The following ZAP70 variants were observed in gnomAD, a reference collection of about 807,000 sequenced individuals.
ZAP70 encodes zeta chain of T cell receptor associated protein kinase 70.
Under a neutral mutation model 65.8 loss-of-function variants are expected in ZAP70, and 27 were observed. The observed-to-expected ratio is 0.41, with a 90% CI of 0.30 to 0.57. ZAP70 has a LOEUF of 0.57. ZAP70 is among the 20% of genes least tolerant of loss of function. The pLI, the probability that ZAP70 is intolerant of heterozygous loss-of-function variation, is 0.28. For missense variants in ZAP70, 696 were observed against 870.5 expected (o/e 0.80, Z 2.52); for synonymous variants, 363 against 360.8 (o/e 1.01, Z -0.07).
chr2:97,742,096 G>A (rs528258241), downstream of ZAP70, among the ~76,000 whole-genome samples: 28 of 152,272 alleles, frequency 1.8e-4, no homozygotes, highest in Non-Finnish European at 4.0e-4. Context: ...AGGTTTTGGC[G>A]GGGCTGGAAG....
chr2:97,725,338 G>C, intron 4 of ZAP70, 86 bp downstream of exon 4: 2 of 1,543,682 alleles, frequency 1.3e-6, no homozygotes, highest in African/African-American at 2.7e-5. Context: ...TGAGTGTGCA[G>C]TTGGGCCGTA....
chr2:97,747,821 T>TG, the ZAP70 span, among the ~76,000 whole-genome samples: 1 of 122,056 alleles, frequency 8.2e-6, no homozygotes, highest in Non-Finnish European at 1.7e-5. Context: ...CGAGGTTTTT[T>TG]TTTTTTTTTT....
At chr2:97,754,792 G>A in the ZAP70 span, among the ~76,000 whole-genome samples, 4 of 152,212 alleles carry the variant, frequency 2.6e-5, no homozygotes, top group African/African-American at 9.6e-5. Flanking sequence ...TGTAGAAAGA[G>A]AATCCCAAGA....
At chr2:97,717,030 C>A (rs900699801) in intron 2 of ZAP70, among the ~76,000 whole-genome samples, 1 of 152,210 alleles carries the variant, frequency 6.6e-6, no homozygotes, top group African/African-American at 2.4e-5. Context: ...GAAGGAGGAG[C>A]CTGCAGCCAT....
At chr2:97,743,862 C>T (rs1400687992), downstream of ZAP70, among the ~76,000 whole-genome samples, 2 of 152,156 alleles carry the variant, frequency 1.3e-5, no homozygotes, top group Admixed American at 6.5e-5. Flanking sequence ...AGAGCCTGTG[C>T]TCTTGGCTTC....
chr2:97,724,074 G>T lies in ZAP70; in HGVS notation c.38G>T (p.Gly13Val). The change falls in exon 3 of 14, where the codon GGC (glycine) becomes GTC (valine). Residue 13 changes from glycine to valine, a missense_variant. Gly to Val is a moderately radical substitution (Grantham distance 109). Transcript: ENST00000264972. ...GCGGCGCACCTGCCCTTCTTCTACG[G>T]CAGCATCTCGCGTGCCGAGGCCGAG... ...DPAAHLPFFY[G>V]SISRAEAEEH... 6.4e-7 allele frequency: 1 copy of T among 1,558,484 alleles called. No homozygotes were observed. The highest frequency in any genetic ancestry group is 8.6e-7 in the Non-Finnish European group (1 of 1,156,740).
In ZAP70 at chr2:97,737,749, C is replaced by G. The variant is rs771940938; in HGVS notation, c.1483-8C>G. ...ACCCCTGATCCAGCAGCATCTCCCC[C>G]TCCCCAGGCCCGCTCAGCAGGGAAG... On this transcript the variant is annotated splice_region_variant and splice_polypyrimidine_tract_variant and intron_variant, in intron 11 of 13. Coordinates refer to ENST00000264972, the MANE Select transcript of ZAP70 (RefSeq NM_001079.4). The surrounding 1 kb of genome is among the most constrained non-coding windows in gnomAD (Gnocchi z 5.0). 6 of 1,614,018 alleles carry G rather than the reference C, an allele frequency of 3.7e-6. No individual in the cohort carries two copies. The African/African-American group carries it at 6.7e-5, about 18-fold the overall frequency.
chr2:97,739,567 A>T lies in ZAP70; in HGVS notation c.*69A>T, dbSNP rs201356112. On this transcript the variant is annotated 3_prime_UTR_variant, in exon 14 of 14. Coordinates refer to ENST00000264972, the MANE Select transcript of ZAP70 (RefSeq NM_001079.4). The stretch of plus-strand genomic sequence containing the variant: ...CCCTCAGCCCCACCCCAGGTCCTGC[A>T]GTCTGGCTGAGCCCTGCTTGGTTGT... The T allele has an allele frequency of 7.0e-6, 11 of 1,562,358 alleles. No homozygotes were observed. The Middle Eastern group carries it at 1.6e-3, about 223-fold the overall frequency.
At position 97,739,483 on chromosome 2, in the gene ZAP70, G is replaced by A. The variant is rs1397149062; in HGVS notation, c.1845G>A (p.Glu615=). 6.2e-7 allele frequency: 1 copy of A among 1,612,996 alleles called. No homozygotes were observed. The highest frequency in any genetic ancestry group is 1.7e-5 in the Admixed American group (1 of 60,006). The change falls in exon 14 of 14, where the codon GAG becomes GAA. Residue 615 remains glutamate, a synonymous_variant. Coordinates refer to ENST00000264972, the MANE Select transcript of ZAP70 (RefSeq NM_001079.4). Reference sequence around the variant, plus strand: ...CCCCAGGCAGCACACAGAAGGCTGAGGCTGCCTGTGCCTGAGCTCCCGCTG... The same window carrying A: ...CCCCAGGCAGCACACAGAAGGCTGAAGCTGCCTGTGCCTGAGCTCCCGCTG... The part of the protein sequence containing the change: ...EGPPGSTQKA[E]AACA
downstream of ZAP70, among the ~76,000 whole-genome samples, chr2:97,741,761 C>T (rs770013547): frequency 1.3e-5 from 2 of 152,234 alleles, no homozygotes; most frequent in African/African-American, 4.8e-5. Context: ...TTCCCTTTAC[C>T]GTTCCAAGAC....
chr2:97,738,373 T>G, intron 13 of ZAP70: 1 of 537,722 alleles, frequency 1.9e-6, no homozygotes, highest in Non-Finnish European at 3.4e-6. Context: ...ACTCAACACA[T>G]GGACCCTGCA....
At chr2:97,741,374 C>A (rs952938588), downstream of ZAP70, among the ~76,000 whole-genome samples, 1 of 151,810 alleles carries the variant, frequency 6.6e-6, no homozygotes, top group African/African-American at 2.4e-5. Flanking sequence ...TCACCGCTGC[C>A]GCTGCCTGGA....
chr2:97,734,222 C>T lies in ZAP70; in HGVS notation c.890-298C>T, dbSNP rs568858494. On this transcript the variant is annotated intron_variant, in intron 8 of 13. Transcript: ENST00000264972. ...GGACGGGCCCGGCCATAGGCGTACA[C>T]GTACGAATGCACACACATGCACACC... The T allele has an allele frequency of 3.7e-5, 23 of 624,080 alleles. No homozygotes were observed. In the South Asian group the frequency reaches 3.9e-4, roughly 11 times the overall value. The allele number at this position is 624,080 out of a possible 1,614,324, so 38.7% of individuals were successfully genotyped here. A position where few individuals can be genotyped will look rare whatever the true frequency, so the allele number is the denominator to read the frequency against.
Position 97,724,225 on chromosome 2 carries a change from C to A in ZAP70, c.189C>A (p.Arg63=). The stretch of plus-strand genomic sequence containing the variant: ...GCTTCCACCACTTTCCCATCGAGCG[C>A]CAGCTCAACGGCACCTACGCCATTG... ...DVRFHHFPIE[R]QLNGTYAIAG... The change falls in exon 3 of 14, where the codon CGC becomes CGA. Residue 63 remains arginine, a synonymous_variant. Coordinates refer to ENST00000264972, the MANE Select transcript of ZAP70 (RefSeq NM_001079.4). 2 of 1,602,366 alleles carry A rather than the reference C, an allele frequency of 1.2e-6. No individual in the cohort carries two copies. The highest frequency in any genetic ancestry group is 2.2e-5 in the East Asian group (1 of 44,576).
In ZAP70 at chr2:97,734,290, C is replaced by T. The variant is rs56151661; in HGVS notation, c.890-230C>T. 5,656 of 1,262,748 alleles carry T rather than the reference C, an allele frequency of 4.5e-3. 29 individuals carry two copies. Among genetic ancestry groups the T allele is most frequent in the Middle Eastern group, 0.012 (41 of 3,490 alleles). The allele number at this position is 1,262,748 out of a possible 1,614,324, so 78.2% of individuals were successfully genotyped here. A position where few individuals can be genotyped will look rare whatever the true frequency, so the allele number is the denominator to read the frequency against. The stretch of plus-strand genomic sequence containing the variant: ...GGTGCCACGTGGATACCAATGCACA[C>T]GCCCCTAGAGTCCACCCTCATGTGG... On this transcript the variant is annotated intron_variant, in intron 8 of 13. Transcript: ENST00000264972.
At chr2:97,738,390 A>T (rs1306848096) in intron 13 of ZAP70, 2 of 503,132 alleles carry the variant, frequency 4.0e-6, no homozygotes, top group Non-Finnish European at 7.3e-6. Context: ...TGCAACACGC[A>T]AACAGGTCCA....
Position 97,733,026 on chromosome 2 carries a change from G to A in ZAP70, c.702+5G>A. 6.2e-7 allele frequency: 1 copy of A among 1,614,110 alleles called. No individual in the cohort carries two copies. Among genetic ancestry groups the A allele is most frequent in the Non-Finnish European group, 8.5e-7 (1 of 1,180,032 alleles). On this transcript the variant is annotated splice_donor_5th_base_variant and intron_variant, in intron 5 of 13. Coordinates refer to ENST00000264972, the MANE Select transcript of ZAP70 (RefSeq NM_001079.4). The stretch of plus-strand genomic sequence containing the variant: ...AAGTTTGACACGCTCTGGCAGGTAG[G>A]CTGCCCGTGCAACTTGTTCTGGGAG...
the ZAP70 span, among the ~76,000 whole-genome samples, chr2:97,754,080 G>A: frequency 2.1e-3 from 322 of 152,304 alleles, 2 homozygotes; most frequent in South Asian, 3.3e-3. Flanking sequence ...AGTACAAAGC[G>A]ACTATCATGC....
At position 97,739,576 on chromosome 2, in the gene ZAP70, G is replaced by C; in HGVS notation, c.*78G>C. On this transcript the variant is annotated 3_prime_UTR_variant, in exon 14 of 14. Coordinates refer to ENST00000264972, the MANE Select transcript of ZAP70 (RefSeq NM_001079.4). ...CCACCCCAGGTCCTGCAGTCTGGCTGAGCCCTGCTTGGTTGTCTCCACACA... is the reference window on the plus strand; with the variant it reads ...CCACCCCAGGTCCTGCAGTCTGGCTCAGCCCTGCTTGGTTGTCTCCACACA... The C allele has an allele frequency of 6.5e-7, 1 of 1,548,954 alleles. No homozygotes were observed. The highest frequency in any genetic ancestry group is 8.7e-7 in the Non-Finnish European group (1 of 1,145,964).
Sources: allele counts gnomAD v4.1 joint callset (sites outside exome capture counted in the v4.1 genomes callset), GRCh38; gene constraint gnomAD v4.1.1; non-coding constraint Gnocchi (gnomAD v3.1); transcripts MANE v1.5; gene names NCBI Gene and HGNC (gene_info 2026-07-23, HGNC 2026-07-21).